The following UBR1 variants were observed in gnomAD, a reference collection of about 807,000 sequenced individuals.
UBR1 encodes the protein ubiquitin protein ligase E3 component n-recognin 1.
Under a neutral mutation model 242.1 loss-of-function variants are expected in UBR1, and 102 were observed. That is an observed-to-expected ratio of 0.42 (90% CI 0.36 to 0.50). UBR1 has a LOEUF of 0.50. Among genes scored for constraint, UBR1 ranks in the 20% least tolerant of loss-of-function variants. The pLI, the probability that UBR1 is intolerant of heterozygous loss-of-function variation, is 0.01. For synonymous variants in UBR1, 675 were observed against 684.8 expected (o/e 0.99, Z 0.22); for missense variants, 1,772 against 2,101.8 (o/e 0.84, Z 3.07).
intron 2 of UBR1, among the ~76,000 whole-genome samples, chr15:43,084,982 T>A (rs2034017244): frequency 6.6e-6 from 1 of 152,238 alleles, no homozygotes; most frequent in Admixed American, 6.5e-5. Flanking sequence ...TTCTCTGTGC[T>A]GTCACGAAGT....
In UBR1 at chr15:42,945,431, C is replaced by A; in HGVS notation, c.5148G>T (p.Arg1716=). Reference sequence around the variant, plus strand: ...GTTGTTGCCAGACCAAATGGAGCTTCCGATACCGCTCACGAGATAAATGAA... The same window carrying A: ...GTTGTTGCCAGACCAAATGGAGCTTACGATACCGCTCACGAGATAAATGAA... ...NPLHLSRERY[R]KLHLVWQQHC... Residue 1716 remains arginine, a synonymous_variant, in exon 47 of 47, where the codon CGG becomes CGT. Transcript: ENST00000290650. The A allele has an allele frequency of 6.2e-7, 1 of 1,614,140 alleles. No individual in the cohort carries two copies. Among genetic ancestry groups the A allele is most frequent in the Non-Finnish European group, 8.5e-7 (1 of 1,180,028 alleles).
At chr15:43,077,486 T>C (rs1243410764) in intron 3 of UBR1, among the ~76,000 whole-genome samples, 37 of 151,378 alleles carry the variant, frequency 2.4e-4, no homozygotes, top group Admixed American at 7.2e-4. Context: ...TCCCTAATCT[T>C]AAGTACCCAG....
chr15:42,994,913 A>C lies in UBR1; in HGVS notation c.3757+3255T>G, dbSNP rs561229683. Among the ~76,000 whole-genome samples, 3 of 152,344 alleles carry C rather than the reference A, an allele frequency of 2.0e-5. No individual in the cohort carries two copies. In the East Asian group the frequency reaches 5.8e-4, roughly 29 times the overall value. Reference sequence around the variant, plus strand: ...CACTCCCACACTAAAAAGCTACCAGAATAAATGCTAGTCACTTGCTCAAAA... The same window carrying C: ...CACTCCCACACTAAAAAGCTACCAGCATAAATGCTAGTCACTTGCTCAAAA... On this transcript the variant is annotated intron_variant, in intron 33 of 46. Coordinates refer to ENST00000290650, the MANE Select transcript of UBR1 (RefSeq NM_174916.3).
intron 30 of UBR1, among the ~76,000 whole-genome samples, chr15:43,005,715 A>G (rs950532895): frequency 6.6e-6 from 1 of 152,202 alleles, no homozygotes; most frequent in African/African-American, 2.4e-5. Flanking sequence ...AGAAGTAGAC[A>G]TGGGAGACTC....
At chr15:42,979,961 C>CT (rs1384083708) in intron 37 of UBR1, among the ~76,000 whole-genome samples, 1 of 152,192 alleles carries the variant, frequency 6.6e-6, no homozygotes, top group East Asian at 1.9e-4. Flanking sequence ...TCATAGGGCT[C>CT]TGACATTAAC....
intron 5 of UBR1, among the ~76,000 whole-genome samples, chr15:43,070,564 C>T (rs1296704721): frequency 1.3e-5 from 2 of 151,974 alleles, no homozygotes; most frequent in African/African-American, 4.8e-5. Context: ...GATTTTTTTT[C>T]CGTAAAAATT....
chr15:42,958,187 A>G, intron 43 of UBR1, 97 bp from the exon 44 acceptor site: 1 of 759,714 alleles, frequency 1.3e-6, no homozygotes, highest in Non-Finnish European at 2.2e-6. Context: ...AAATAACAAA[A>G]GGATCTACAC....
In UBR1 at chr15:42,945,476, G is replaced by C; in HGVS notation, c.5109-6C>G. 6.2e-7 allele frequency: 1 copy of C among 1,613,824 alleles called. No homozygotes were observed. The highest frequency in any genetic ancestry group is 8.5e-7 in the Non-Finnish European group (1 of 1,179,952). ...AATGAAGGGGGTTGCCCCTCCTTTA[G>C]GGAAAAAAGAAAAAACAACATGTAA... is the stretch of plus-strand genomic sequence containing the variant. On this transcript the variant is annotated splice_region_variant and splice_polypyrimidine_tract_variant and intron_variant, in intron 46 of 46. Transcript: ENST00000290650.
At chr15:42,961,875 C>T (rs925928686) in intron 42 of UBR1, among the ~76,000 whole-genome samples, 1 of 151,738 alleles carries the variant, frequency 6.6e-6, no homozygotes, top group Non-Finnish European at 1.5e-5. Flanking sequence ...CTGCCTCAGC[C>T]TCTTGAGTAG....
At chr15:43,009,357 CT>C (rs541826470) in intron 29 of UBR1, among the ~76,000 whole-genome samples, 4 of 152,240 alleles carry the variant, frequency 2.6e-5, no homozygotes, top group Admixed American at 1.3e-4. Flanking sequence ...CTAGAGCTCC[CT>C]GCCCTGCACA....
chr15:42,985,419 C>A (rs1205588403), intron 35 of UBR1, among the ~76,000 whole-genome samples: 1 of 152,092 alleles, frequency 6.6e-6, no homozygotes, highest in East Asian at 1.9e-4. Context: ...ATGGCGCGAT[C>A]TCGGCTCACT....
chr15:43,008,874 C>G (rs1213116315), intron 29 of UBR1, among the ~76,000 whole-genome samples: 1 of 152,028 alleles, frequency 6.6e-6, no homozygotes, highest in Admixed American at 6.5e-5. Flanking sequence ...TCTGGATCTC[C>G]TCTCCACTGA....
intron 13 of UBR1, 42 bp from the exon 14 acceptor site, chr15:43,047,331 C>G: frequency 2.5e-6 from 4 of 1,613,738 alleles, no homozygotes; most frequent in Non-Finnish European, 3.4e-6. Context: ...TCTGAGCCCT[C>G]TCTCTTTGCT....
intron 6 of UBR1, among the ~76,000 whole-genome samples, chr15:43,060,630 T>C (rs1240492562): frequency 1.3e-5 from 2 of 152,172 alleles, no homozygotes; most frequent in Non-Finnish European, 1.5e-5. Flanking sequence ...AAATTCATCA[T>C]TTTCTATATG....
At chr15:43,079,239 G>C (rs184151012) in intron 3 of UBR1, among the ~76,000 whole-genome samples, 2 of 152,274 alleles carry the variant, frequency 1.3e-5, no homozygotes, top group Non-Finnish European at 2.9e-5. Flanking sequence ...GCCGAGGCAG[G>C]AGGGCTGTTT....
At chr15:42,972,372 T>G (rs1202908527) in intron 39 of UBR1, among the ~76,000 whole-genome samples, 1 of 152,084 alleles carries the variant, frequency 6.6e-6, no homozygotes, top group Non-Finnish European at 1.5e-5. Context: ...TTCTTTTTAT[T>G]TTTTTTATTT....
At chr15:43,046,599 G>A (rs1282255364) in intron 14 of UBR1, among the ~76,000 whole-genome samples, 1 of 152,110 alleles carries the variant, frequency 6.6e-6, no homozygotes, top group Non-Finnish European at 1.5e-5. Flanking sequence ...TCACTGAATA[G>A]GTTATGGTAA....
intron 34 of UBR1, 35 bp from the exon 35 acceptor site, chr15:42,989,002 TA>T: frequency 6.5e-7 from 1 of 1,541,526 alleles, no homozygotes; most frequent in African/African-American, 1.4e-5. Context: ...TATGATTTAG[TA>T]AAAGGAGCTA....
chr15:42,967,393 T>C (rs2141260187), intron 40 of UBR1, among the ~76,000 whole-genome samples: 1 of 151,412 alleles, frequency 6.6e-6, no homozygotes, highest in South Asian at 2.1e-4. Flanking sequence ...AACATAAAAG[T>C]TAAAGGTTAC....
Sources: allele counts gnomAD v4.1 joint callset (sites outside exome capture counted in the v4.1 genomes callset), GRCh38; gene constraint gnomAD v4.1.1; transcripts MANE v1.5; gene names NCBI Gene and HGNC (gene_info 2026-07-23, HGNC 2026-07-21).